Variants in FAM149B1 observed in about 807,000 individuals in gnomAD.
The protein encoded by FAM149B1 is primary cilium assembly protein FAM149B1.
A neutral mutation model predicts 75.3 loss-of-function variants in FAM149B1; 56 were observed. The ratio of observed to expected loss-of-function variants is 0.74; its 90% CI spans 0.60 to 0.93. The LOEUF is 0.93. Ranked by LOEUF, FAM149B1 falls within the 40% of genes least tolerant of loss-of-function variation. The pLI is 0.00. For missense variants in FAM149B1, 639 were observed against 708.4 expected, an observed-to-expected ratio of 0.90 and a Z score of 1.11; for synonymous variants, 259 against 256.1, an observed-to-expected ratio of 1.01 and a Z score of -0.11.
chr10:73,234,727 C>T, intron 10 of FAM149B1, 90 bp from the exon 11 acceptor site: 1 of 1,389,208 alleles, frequency 7.2e-7, no homozygotes, highest in Non-Finnish European at 9.8e-7. Context: ...TTAAACTCAT[C>T]TGCTTCATTT....
At chr10:73,205,239 G>A (rs12217180) in intron 5 of FAM149B1, among the ~76,000 whole-genome samples, 1 of 151,970 alleles carries the variant, frequency 6.6e-6, no homozygotes, top group Non-Finnish European at 1.5e-5. Flanking sequence ...AGGTGTCTGA[G>A]TCATGGGGAC....
chr10:73,225,757 A>G (rs7922374), intron 7 of FAM149B1, among the ~76,000 whole-genome samples: 23,365 of 152,194 alleles, frequency 0.15, 2,945 homozygotes, highest in African/African-American at 0.32. Flanking sequence ...TCCATTCATG[A>G]TAAGTACCCT....
chr10:73,224,177 G>A (rs2043480894), intron 7 of FAM149B1, among the ~76,000 whole-genome samples: 1 of 152,126 alleles, frequency 6.6e-6, no homozygotes, highest in Non-Finnish European at 1.5e-5. Flanking sequence ...TCTATGCAGA[G>A]GCTGGTGGTA....
intron 3 of FAM149B1, chr10:73,183,390 G>A (rs1427057413): frequency 6.6e-6 from 1 of 152,134 alleles, no homozygotes; most frequent in East Asian, 1.9e-4. Context: ...TATATTTGTG[G>A]ATTATTGTAA....
intron 7 of FAM149B1, among the ~76,000 whole-genome samples, chr10:73,222,393 C>T (rs1469507068): frequency 1.3e-5 from 2 of 152,110 alleles, no homozygotes; most frequent in African/African-American, 4.8e-5. Context: ...CCTTGTTCCA[C>T]GTGAGCAGCA....
intron 3 of FAM149B1, among the ~76,000 whole-genome samples, chr10:73,188,745 G>A (rs182561875): frequency 1.7e-5 from 2 of 116,614 alleles, no homozygotes; most frequent in East Asian, 2.3e-4. Context: ...AAAAAAAAAA[G>A]GAAGGAAGGA....
Sources: allele counts gnomAD v4.1 joint callset (sites outside exome capture counted in the v4.1 genomes callset), GRCh38; gene constraint gnomAD v4.1.1; transcripts MANE v1.5; gene names NCBI Gene and HGNC (gene_info 2026-07-23, HGNC 2026-07-21).